PRKCB: variants seen among roughly 807,000 people sequenced by gnomAD.
The protein encoded by PRKCB is protein kinase C beta type.
A neutral mutation model predicts 81.5 loss-of-function variants in PRKCB; 13 were observed. The ratio of observed to expected loss-of-function variants is 0.16; its 90% confidence interval spans 0.10 to 0.25. The LOEUF is 0.25. Ranked by LOEUF, PRKCB falls within the 10% of genes least tolerant of loss-of-function variation. PRKCB has a pLI of 1.00. For synonymous variants in PRKCB, 335 were observed against 321.4 expected (o/e 1.04, Z -0.45); for missense variants, 509 against 875.7 (o/e 0.58, Z 5.29).
At chr16:24,008,040 T>C (rs556897291) in intron 3 of PRKCB, among the ~76,000 whole-genome samples, 1 of 152,150 alleles carries the variant, frequency 6.6e-6, no homozygotes, top group Non-Finnish European at 1.5e-5. Flanking sequence ...CATTTATAGA[T>C]ATAATTCTGT....
At chr16:24,037,363 C>T (rs956845513) in intron 5 of PRKCB, among the ~76,000 whole-genome samples, 23 of 152,092 alleles carry the variant, frequency 1.5e-4, no homozygotes, top group African/African-American at 5.6e-4. Context: ...ACACCATTTG[C>T]AATAATAATA....
chr16:24,030,357 T>A (rs1436003796), intron 3 of PRKCB, among the ~76,000 whole-genome samples: 1 of 151,512 alleles, frequency 6.6e-6, no homozygotes, highest in Non-Finnish European at 1.5e-5. Context: ...CTCTGAGTGC[T>A]GAGAATGTAC....
intron 12 of PRKCB, among the ~76,000 whole-genome samples, chr16:24,179,721 G>A (rs1967589474): frequency 6.6e-6 from 1 of 152,170 alleles, no homozygotes; most frequent in African/African-American, 2.4e-5. Context: ...GGTCTTTTCT[G>A]ACTGACACCC....
intron 2 of PRKCB, among the ~76,000 whole-genome samples, chr16:23,954,955 A>G (rs1964330513): frequency 6.6e-6 from 1 of 152,196 alleles, no homozygotes; most frequent in Admixed American, 6.5e-5. Flanking sequence ...ACACATTTCA[A>G]ATAATTGCTA....
At chr16:24,189,923 T>G (rs1390387430) in intron 15 of PRKCB, among the ~76,000 whole-genome samples, 1 of 152,196 alleles carries the variant, frequency 6.6e-6, no homozygotes, top group African/African-American at 2.4e-5. Context: ...ACTTGTATGC[T>G]TCTTTCTTTT....
intron 2 of PRKCB, among the ~76,000 whole-genome samples, chr16:23,969,146 G>T (rs1387231419): frequency 6.6e-6 from 1 of 152,102 alleles, no homozygotes; most frequent in Admixed American, 6.5e-5. Context: ...CTCCAGCCTG[G>T]GCGACAGGGT....
chr16:24,155,793 T>C (rs2141954576), intron 10 of PRKCB, among the ~76,000 whole-genome samples: 1 of 152,326 alleles, frequency 6.6e-6, no homozygotes, highest in East Asian at 1.9e-4. Context: ...GCTGAAGATA[T>C]CCTGGGCTGT....
At chr16:24,112,158 C>A (rs759935574) in intron 7 of PRKCB, among the ~76,000 whole-genome samples, 18 of 152,210 alleles carry the variant, frequency 1.2e-4, no homozygotes, top group Non-Finnish European at 2.5e-4. Flanking sequence ...AGTCCATGGT[C>A]ACCTAAATGC....
At chr16:24,197,443 A>T (rs946270453) in intron 16 of PRKCB, among the ~76,000 whole-genome samples, 1 of 152,102 alleles carries the variant, frequency 6.6e-6, no homozygotes, top group Non-Finnish European at 1.5e-5. Flanking sequence ...CTTGCCTGGC[A>T]TGGTCAAGGG....
At chr16:24,043,771 A>T (rs1315622573) in intron 5 of PRKCB, among the ~76,000 whole-genome samples, 3 of 152,106 alleles carry the variant, frequency 2.0e-5, no homozygotes, top group Non-Finnish European at 4.4e-5. Flanking sequence ...TTGCTCCCAA[A>T]TGTCTAGGGA....
intron 5 of PRKCB, among the ~76,000 whole-genome samples, chr16:24,045,827 C>G (rs976429934): frequency 1.3e-5 from 2 of 152,228 alleles, no homozygotes; most frequent in African/African-American, 4.8e-5. Flanking sequence ...CGCAGTGAGA[C>G]GGGAAGAATG....
chr16:23,842,262 A>G (rs1962281314), intron 2 of PRKCB, among the ~76,000 whole-genome samples: 1 of 152,132 alleles, frequency 6.6e-6, no homozygotes, highest in Non-Finnish European at 1.5e-5. Flanking sequence ...TGGTCTCCTC[A>G]TCTGTAAAAT....
At position 24,006,204 on chromosome 16, in the gene PRKCB, C is replaced by T. The variant is rs116869502; in HGVS notation, c.288+17614C>T. Reference sequence around the variant, plus strand: ...GAATCCACACAGAAGTTCTCGTGGGCGATACCAAATGCCAAGAGGATGCCT... The same window carrying T: ...GAATCCACACAGAAGTTCTCGTGGGTGATACCAAATGCCAAGAGGATGCCT... On this transcript the variant is annotated intron_variant, in intron 3 of 16. Coordinates refer to ENST00000643927, the MANE Select transcript of PRKCB (RefSeq NM_002738.7). Among the ~76,000 whole-genome samples, 1,392 of 152,288 alleles carry T rather than the reference C, an allele frequency of 9.1e-3. 11 individuals carry two copies. The highest frequency in any genetic ancestry group is 0.018 in the South Asian group (88 of 4,826).
At chr16:23,998,274 T>C (rs973299505) in intron 3 of PRKCB, among the ~76,000 whole-genome samples, 3 of 152,244 alleles carry the variant, frequency 2.0e-5, no homozygotes, top group Admixed American at 1.3e-4. Context: ...GACTAAACTA[T>C]ACCCCTGGCT....
chr16:23,985,311 G>C (rs1382866011), intron 2 of PRKCB, among the ~76,000 whole-genome samples: 1 of 152,208 alleles, frequency 6.6e-6, no homozygotes, highest in African/African-American at 2.4e-5. Context: ...TGGCCAGGCT[G>C]GTCTCGAACT....
rs1219127854 is a variant in PRKCB at position 24,096,652 on chromosome 16, CAAAAAAAAA to C, written c.821+2362_821+2370del. 9.6e-5 allele frequency among the ~76,000 whole-genome samples: 4 copies of C among 41,806 alleles called. No homozygotes were observed. The East Asian group carries it at 3.3e-3, about 34-fold the overall frequency. The allele number at this position is 41,806 out of a possible 152,430, so 27.4% of individuals were successfully genotyped here. On this transcript the variant is annotated intron_variant, in intron 7 of 16. Coordinates refer to ENST00000643927, the MANE Select transcript of PRKCB (RefSeq NM_002738.7). Reference sequence around the variant, plus strand: ...ATTTTATTTTGCTCCCTTCCTATGGCAAAAAAAAAAAAAAATATATATATATATATATAT... The same window carrying C: ...ATTTTATTTTGCTCCCTTCCTATGGCAAAAAATATATATATATATATATAT...
In PRKCB at chr16:23,921,744, T is replaced by C. The variant is rs561046512; in HGVS notation, c.206-66764T>C. Among the ~76,000 whole-genome samples, 4 of 152,116 alleles carry C rather than the reference T, an allele frequency of 2.6e-5. No homozygotes were observed. The South Asian group carries it at 8.3e-4, about 32-fold the overall frequency. ...TGAATCTGAGAGGCAGAGGTTGCAG[T>C]GAGCCAAAATTGCACAACTGTACTC... On this transcript the variant is annotated intron_variant, in intron 2 of 16. Transcript: ENST00000643927.
intron 2 of PRKCB, among the ~76,000 whole-genome samples, chr16:23,925,064 C>T (rs1325273447): frequency 6.6e-6 from 1 of 152,022 alleles, no homozygotes; most frequent in Non-Finnish European, 1.5e-5. Context: ...CATTGATTGG[C>T]ACATCTGGGG....
chr16:23,983,857 C>T (rs887401112), intron 2 of PRKCB, among the ~76,000 whole-genome samples: 4 of 151,844 alleles, frequency 2.6e-5, no homozygotes, highest in Admixed American at 6.6e-5. Flanking sequence ...CTGGGATTAC[C>T]GGGGCCTGCC....
Sources: gnomAD v4.1 joint callset for allele counts (sites outside exome capture counted in the v4.1 genomes callset) on GRCh38, gnomAD v4.1.1 for gene constraint, MANE v1.5 for transcripts, NCBI Gene and HGNC (gene_info 2026-07-23, HGNC 2026-07-21) for gene names.